The following SV2C variants were observed in gnomAD, a reference collection of about 807,000 sequenced individuals.
The protein encoded by SV2C is solute carrier family 22 member B3.
Under a neutral mutation model 79.7 loss-of-function variants are expected in SV2C, and 49 were observed. That is an observed-to-expected ratio of 0.61 (90% CI 0.49 to 0.78). SV2C has a LOEUF of 0.78. Ranked by LOEUF, SV2C falls within the 30% of genes least tolerant of loss-of-function variation. SV2C has a pLI of 0.00. For synonymous variants in SV2C, 334 were observed against 333.2 expected (o/e 1.00, Z -0.03); for missense variants, 833 against 912.9 (o/e 0.91, Z 1.13).
chr5:75,936,777 C>T, the SV2C span, among the ~76,000 whole-genome samples: 1 of 152,162 alleles, frequency 6.6e-6, no homozygotes, highest in Non-Finnish European at 1.5e-5. Context: ...TATTGATTCT[C>T]ATTGGAACAT....
the SV2C span, among the ~76,000 whole-genome samples, chr5:75,870,502 C>T: frequency 6.6e-6 from 1 of 151,734 alleles, no homozygotes; most frequent in Admixed American, 6.6e-5. Context: ...ATGAAGCATG[C>T]CTATAGGATC....
At chr5:76,252,812 T>C (rs1167455157) in intron 4 of SV2C, among the ~76,000 whole-genome samples, 1 of 152,206 alleles carries the variant, frequency 6.6e-6, no homozygotes, top group Non-Finnish European at 1.5e-5. Flanking sequence ...CTTCCATTTG[T>C]ATCTATTATA....
chr5:75,975,801 G>A, the SV2C span, among the ~76,000 whole-genome samples: 1 of 152,196 alleles, frequency 6.6e-6, no homozygotes, highest in African/African-American at 2.4e-5. Context: ...TCTTCACACA[G>A]TGACATAAAC....
the SV2C span, among the ~76,000 whole-genome samples, chr5:76,074,855 A>G: frequency 6.6e-6 from 1 of 152,238 alleles, no homozygotes; most frequent in African/African-American, 2.4e-5. Context: ...GGAATACAAC[A>G]GATGGAGACA....
chr5:75,955,475 A>G, the SV2C span, among the ~76,000 whole-genome samples: 1 of 150,902 alleles, frequency 6.6e-6, no homozygotes, highest in East Asian at 1.9e-4. Context: ...CATTCAGGAC[A>G]TAGGCATGGG....
chr5:76,157,892 C>A (rs1212813334), intron 2 of SV2C, among the ~76,000 whole-genome samples: 2 of 151,336 alleles, frequency 1.3e-5, no homozygotes, highest in Non-Finnish European at 3.0e-5. Flanking sequence ...ATAGTTACAT[C>A]ACAAAAGGGG....
At chr5:75,963,675 G>T in the SV2C span, among the ~76,000 whole-genome samples, 1 of 152,020 alleles carries the variant, frequency 6.6e-6, no homozygotes, top group African/African-American at 2.4e-5. Flanking sequence ...TACTTGATTG[G>T]TCCTTTCAAA....
chr5:75,946,964 G>T, the SV2C span, among the ~76,000 whole-genome samples: 1 of 152,008 alleles, frequency 6.6e-6, no homozygotes, highest in East Asian at 1.9e-4. Flanking sequence ...TTTTGCATTT[G>T]TTGCTAAAAC....
the SV2C span, among the ~76,000 whole-genome samples, chr5:75,974,304 A>T: frequency 6.6e-6 from 1 of 152,104 alleles, no homozygotes; most frequent in East Asian, 1.9e-4. Context: ...TTTCAGAATT[A>T]TGACCTTAAA....
the SV2C span, among the ~76,000 whole-genome samples, chr5:75,913,944 GC>G: frequency 6.6e-6 from 1 of 151,336 alleles, no homozygotes; most frequent in Non-Finnish European, 1.5e-5. Flanking sequence ...AATCAAATAG[GC>G]CATAAATGAG....
At chr5:76,185,595 C>G (rs1467913880) in intron 2 of SV2C, among the ~76,000 whole-genome samples, 1 of 152,260 alleles carries the variant, frequency 6.6e-6, no homozygotes, top group Non-Finnish European at 1.5e-5. Flanking sequence ...TTGGGGCTTG[C>G]ACTCTCTGAA....
chr5:76,020,853 G>A, the SV2C span, among the ~76,000 whole-genome samples: 1 of 152,164 alleles, frequency 6.6e-6, no homozygotes, highest in African/African-American at 2.4e-5. Flanking sequence ...CTTACTGAAG[G>A]CAGAAGATTC....
chr5:76,320,021 A>C lies in SV2C; in HGVS notation c.2001-5343A>C, dbSNP rs557806414. 5.8e-4 allele frequency among the ~76,000 whole-genome samples: 89 copies of C among 152,316 alleles called. 2 individuals carry two copies. In the South Asian group the frequency reaches 0.018, roughly 30 times the overall value. On this transcript the variant is annotated intron_variant, in intron 12 of 12. Coordinates refer to ENST00000502798, the MANE Select transcript of SV2C (RefSeq NM_014979.4). ...CTAGAAACTAAAATGTTAGTTTAAC[A>C]AAGTGAAAAGCCAGGCACGGTGGCT...
At chr5:76,161,318 G>C (rs1030338433) in intron 2 of SV2C, among the ~76,000 whole-genome samples, 1 of 152,132 alleles carries the variant, frequency 6.6e-6, no homozygotes, top group South Asian at 2.1e-4. Context: ...GAGACAGAAA[G>C]TAAAGCTATT....
the SV2C span, among the ~76,000 whole-genome samples, chr5:76,038,277 A>T: frequency 6.6e-6 from 1 of 152,248 alleles, no homozygotes; most frequent in Admixed American, 6.5e-5. Context: ...TAAATGAGGA[A>T]ATCAGTGAGT....
At chr5:76,295,631 T>C (rs1294485580) in intron 8 of SV2C, 147 bp from the exon 9 acceptor site, 1 of 671,856 alleles carries the variant, frequency 1.5e-6, no homozygotes. Flanking sequence ...GAGGGACACA[T>C]GGATTGCTGT....
At chr5:76,301,148 T>C (rs1445396849) in intron 11 of SV2C, among the ~76,000 whole-genome samples, 1 of 152,184 alleles carries the variant, frequency 6.6e-6, no homozygotes, top group Non-Finnish European at 1.5e-5. Flanking sequence ...ATGTGTAAAA[T>C]GTATATTTTC....
chr5:76,313,558 A>G (rs1316550605), intron 12 of SV2C, among the ~76,000 whole-genome samples: 3 of 152,196 alleles, frequency 2.0e-5, no homozygotes, highest in Non-Finnish European at 2.9e-5. Context: ...TTGAGCTCCA[A>G]GGAAGTCCAT....
chr5:75,877,723 G>C, the SV2C span, among the ~76,000 whole-genome samples: 258 of 152,018 alleles, frequency 1.7e-3, 1 homozygote, highest in Admixed American at 3.7e-3. Context: ...GGTCGGTCTG[G>C]GGCAGAATGA....
Sources: gnomAD v4.1 joint callset for allele counts (sites outside exome capture counted in the v4.1 genomes callset) on GRCh38, gnomAD v4.1.1 for gene constraint, MANE v1.5 for transcripts, NCBI Gene and HGNC (gene_info 2026-07-23, HGNC 2026-07-21) for gene names.